The following ABTB3 variants were observed in gnomAD, a reference collection of about 807,000 sequenced individuals.
ABTB3 encodes ankyrin repeat and BTB domain containing 3, also known as ankyrin repeat- and BTB/POZ domain-containing protein 3.
At chr12:107,571,355 C>T in the ABTB3 span, among the ~76,000 whole-genome samples, 1 of 152,198 alleles carries the variant, frequency 6.6e-6, no homozygotes, top group Non-Finnish European at 1.5e-5. Context: ...GAGTACATAC[C>T]CTTACTACCA....
At chr12:107,482,902 C>CTT in the ABTB3 span, among the ~76,000 whole-genome samples, 131 of 149,574 alleles carry the variant, frequency 8.8e-4, 2 homozygotes, top group Non-Finnish European at 1.4e-3. Flanking sequence ...TTCTCTCTCT[C>CTT]TCTCTTTCTT....
At chr12:107,339,217 C>A in the ABTB3 span, among the ~76,000 whole-genome samples, 1 of 152,174 alleles carries the variant, frequency 6.6e-6, no homozygotes, top group East Asian at 1.9e-4. Flanking sequence ...CTGGAGGAAC[C>A]TGTGGCCCAG....
At chr12:107,433,784 C>T in the ABTB3 span, among the ~76,000 whole-genome samples, 2 of 152,094 alleles carry the variant, frequency 1.3e-5, no homozygotes, top group Non-Finnish European at 2.9e-5. Context: ...CTGTTCTGGC[C>T]GCTATAACAA....
At chr12:107,550,441 G>T in the ABTB3 span, among the ~76,000 whole-genome samples, 2 of 150,050 alleles carry the variant, frequency 1.3e-5, no homozygotes, top group African/African-American at 4.9e-5. Flanking sequence ...TTATGGACTC[G>T]TAATATGGAA....
chr12:107,475,018 G>C, the ABTB3 span, among the ~76,000 whole-genome samples: 57 of 152,194 alleles, frequency 3.7e-4, no homozygotes, highest in African/African-American at 1.3e-3. Context: ...GGTTTCTTTG[G>C]CTCTCCCAGT....
At chr12:107,456,422 C>T in the ABTB3 span, among the ~76,000 whole-genome samples, 1 of 152,212 alleles carries the variant, frequency 6.6e-6, no homozygotes, top group Non-Finnish European at 1.5e-5. Flanking sequence ...GTGGCACGAA[C>T]CGTATTGTGA....
chr12:107,642,552 C>T, the ABTB3 span, among the ~76,000 whole-genome samples: 1 of 152,108 alleles, frequency 6.6e-6, no homozygotes, highest in African/African-American at 2.4e-5. Flanking sequence ...TAGAGAAGAC[C>T]TCTTGGATGA....
At chr12:107,454,090 A>G in the ABTB3 span, among the ~76,000 whole-genome samples, 1 of 152,256 alleles carries the variant, frequency 6.6e-6, no homozygotes, top group Non-Finnish European at 1.5e-5. Context: ...TACTCCCAGC[A>G]CTTACCCTGT....
At chr12:107,325,169 T>C in the ABTB3 span, among the ~76,000 whole-genome samples, 3 of 152,356 alleles carry the variant, frequency 2.0e-5, no homozygotes, top group East Asian at 1.9e-4. Context: ...CCCCAATCAC[T>C]TAATAAACAT....
At chr12:107,339,679 ACGTG>A in the ABTB3 span, among the ~76,000 whole-genome samples, 2 of 114,146 alleles carry the variant, frequency 1.8e-5, no homozygotes, top group African/African-American at 5.7e-5. Context: ...GTGTGCATGC[ACGTG>A]TGTGTGTGTG....
the ABTB3 span, among the ~76,000 whole-genome samples, chr12:107,540,488 G>T: frequency 6.6e-5 from 10 of 152,114 alleles, no homozygotes; most frequent in Middle Eastern, 3.4e-3. Flanking sequence ...TGCATTACCG[G>T]CTATCTAGGT....
At chr12:107,542,266 C>T in the ABTB3 span, among the ~76,000 whole-genome samples, 3 of 147,526 alleles carry the variant, frequency 2.0e-5, no homozygotes, top group African/African-American at 5.0e-5. Flanking sequence ...GAGCCGAGAT[C>T]GCACCACTGC....
the ABTB3 span, among the ~76,000 whole-genome samples, chr12:107,410,448 G>A: frequency 6.6e-6 from 1 of 152,130 alleles, no homozygotes; most frequent in Admixed American, 6.5e-5. Flanking sequence ...GATGCTGGGG[G>A]ATACAGGAAG....
the ABTB3 span, among the ~76,000 whole-genome samples, chr12:107,366,589 C>A: frequency 6.6e-6 from 1 of 152,094 alleles, no homozygotes; most frequent in African/African-American, 2.4e-5. Context: ...TCTCTTCAAC[C>A]CTTAACTAGC....
At chr12:107,403,417 A>C in the ABTB3 span, among the ~76,000 whole-genome samples, 1 of 152,252 alleles carries the variant, frequency 6.6e-6, no homozygotes, top group East Asian at 1.9e-4. Flanking sequence ...AAAGCTTCCT[A>C]CCAGCTACTA....
the ABTB3 span, among the ~76,000 whole-genome samples, chr12:107,559,864 T>A: frequency 6.6e-6 from 1 of 152,038 alleles, no homozygotes; most frequent in African/African-American, 2.4e-5. Flanking sequence ...TTTTTTTTTT[T>A]ACTGAAAAGT....
the ABTB3 span, among the ~76,000 whole-genome samples, chr12:107,578,590 C>T: frequency 6.6e-6 from 1 of 151,786 alleles, no homozygotes; most frequent in Non-Finnish European, 1.5e-5. Flanking sequence ...GGGGAGGCGC[C>T]TCTGAAACTT....
At chr12:107,581,028 G>C in the ABTB3 span, 1 of 1,551,820 alleles carries the variant, frequency 6.4e-7, no homozygotes, top group Non-Finnish European at 8.7e-7. Context: ...CAGGGAAAGC[G>C]GGGTGTGGGC....
the ABTB3 span, among the ~76,000 whole-genome samples, chr12:107,423,847 A>G: frequency 6.6e-6 from 1 of 152,216 alleles, no homozygotes; most frequent in African/African-American, 2.4e-5. Context: ...CATTGAAGTA[A>G]CAGTTCCTCC....
Sources: gnomAD v4.1 joint callset for allele counts (sites outside exome capture counted in the v4.1 genomes callset) on GRCh38, gnomAD v4.1.1 for gene constraint, MANE v1.5 for transcripts, NCBI Gene and HGNC (gene_info 2026-07-23, HGNC 2026-07-21) for gene names.